HDAC4: variants seen among roughly 807,000 people sequenced by gnomAD.
The protein encoded by HDAC4 is histone deacetylase A.
A neutral mutation model predicts 135.1 loss-of-function variants in HDAC4; 16 were observed. The ratio of observed to expected loss-of-function variants is 0.12; its 90% CI spans 0.08 to 0.18. HDAC4 has a LOEUF of 0.18. Ranked by LOEUF, HDAC4 falls within the 10% of genes least tolerant of loss-of-function variation. The pLI is 1.00. For synonymous variants in HDAC4, 685 were observed against 653.4 expected, an observed-to-expected ratio of 1.05 and a Z score of -0.74; for missense variants, 1,143 against 1,511.8, an observed-to-expected ratio of 0.76 and a Z score of 4.05.
At chr2:239,358,820 A>G (rs1273526488) in intron 1 of HDAC4, among the ~76,000 whole-genome samples, 1 of 152,242 alleles carries the variant, frequency 6.6e-6, no homozygotes, top group Non-Finnish European at 1.5e-5. Flanking sequence ...AAGTCATTTC[A>G]GAATCGCTAA....
intron 3 of HDAC4, among the ~76,000 whole-genome samples, chr2:239,206,400 A>G (rs2046052393): frequency 6.6e-6 from 1 of 152,042 alleles, no homozygotes; most frequent in Non-Finnish European, 1.5e-5. Flanking sequence ...ACGTGCACAC[A>G]CACACACACA....
intron 11 of HDAC4, among the ~76,000 whole-genome samples, chr2:239,131,742 C>G (rs1032233145): frequency 2.0e-5 from 3 of 152,234 alleles, no homozygotes; most frequent in African/African-American, 7.2e-5. Context: ...CTGCCAGGAC[C>G]TTCTGTGACA....
rs190139418 is a variant in HDAC4, at chr2:239,097,058, C to T, written c.2234-2002G>A. Among the ~76,000 whole-genome samples, 146 of 152,314 alleles carry T rather than the reference C, an allele frequency of 9.6e-4. 1 individual carries two copies. The highest frequency in any genetic ancestry group is 3.4e-3 in the African/African-American group (143 of 41,576). On this transcript the variant is annotated intron_variant, in intron 16 of 26. Transcript: ENST00000543185. ...GCCCGGCCCCCATCTGCTAGGAGGG[C>T]CCGGCCAGCTGAGGGGCGCAGGCGC...
chr2:239,316,596 C>T (rs917317186), intron 2 of HDAC4, among the ~76,000 whole-genome samples: 2 of 152,100 alleles, frequency 1.3e-5, no homozygotes, highest in African/African-American at 4.8e-5. Context: ...CCAATGGGCC[C>T]TAGGTAAGAG....
chr2:239,215,636 C>T (rs1262158947), intron 3 of HDAC4, among the ~76,000 whole-genome samples: 1 of 152,114 alleles, frequency 6.6e-6, no homozygotes, highest in Non-Finnish European at 1.5e-5. Flanking sequence ...GAGACATCCC[C>T]GCAGGAAATG....
intron 2 of HDAC4, among the ~76,000 whole-genome samples, chr2:239,328,192 G>A (rs557589225): frequency 1.4e-3 from 215 of 152,326 alleles, no homozygotes; most frequent in Non-Finnish European, 2.3e-3. Flanking sequence ...AGCCACCCTG[G>A]AGGAGCCCTG....
chr2:239,137,403 G>T (rs2041041751), intron 9 of HDAC4, among the ~76,000 whole-genome samples: 1 of 152,202 alleles, frequency 6.6e-6, no homozygotes, highest in Admixed American at 6.5e-5. Context: ...CACTCTCTGA[G>T]CCCTGCCTCC....
In HDAC4 at chr2:239,306,432, C is replaced by T. The variant is rs1001826909; in HGVS notation, c.22+46246G>A. Among the ~76,000 whole-genome samples, 4 of 152,132 alleles carry T rather than the reference C, an allele frequency of 2.6e-5. No homozygotes were observed. Among genetic ancestry groups the T allele is most frequent in the Non-Finnish European group, 5.9e-5 (4 of 68,014 alleles). ...CCCCATCCACGGATGTGTCCCTGCC[C>T]AGGTGCCAGCAAGGACTGACTAATA... On this transcript the variant is annotated intron_variant, in intron 2 of 26. Transcript: ENST00000543185. The surrounding 1 kb of genome is among the most constrained non-coding windows in gnomAD (Gnocchi z 4.5).
intron 1 of HDAC4, among the ~76,000 whole-genome samples, chr2:239,385,616 A>G (rs1308548031): frequency 2.6e-5 from 4 of 152,248 alleles, no homozygotes; most frequent in Admixed American, 2.6e-4. Context: ...CAGTGGGCAA[A>G]GCCGGCCTGT....
intron 11 of HDAC4, among the ~76,000 whole-genome samples, chr2:239,127,305 C>T (rs1245260168): frequency 4.6e-5 from 7 of 152,164 alleles, no homozygotes; most frequent in South Asian, 2.1e-4. Flanking sequence ...TCCCTGCCAG[C>T]GAGTGGAGGA....
At chr2:239,215,238 C>T (rs920211420) in intron 3 of HDAC4, among the ~76,000 whole-genome samples, 5 of 152,114 alleles carry the variant, frequency 3.3e-5, no homozygotes, top group East Asian at 1.9e-4. Context: ...GACTGGTGGC[C>T]GGGGCGGGGG....
At chr2:239,136,640 C>T (rs2040976617) in intron 9 of HDAC4, among the ~76,000 whole-genome samples, 1 of 152,218 alleles carries the variant, frequency 6.6e-6, no homozygotes, top group South Asian at 2.1e-4. Flanking sequence ...AGCCATTCAT[C>T]CGACAAGGGA....
chr2:239,232,274 G>A (rs942516225), intron 3 of HDAC4, among the ~76,000 whole-genome samples: 12 of 152,244 alleles, frequency 7.9e-5, no homozygotes, highest in Non-Finnish European at 7.3e-5. Flanking sequence ...TAAGTTCCCC[G>A]TAATTCAGCC....
intron 1 of HDAC4, among the ~76,000 whole-genome samples, chr2:239,372,849 T>C (rs1694731287): frequency 6.6e-6 from 1 of 152,068 alleles, no homozygotes; most frequent in Admixed American, 6.6e-5. Context: ...TGCACATATG[T>C]ACACATGCAC....
intron 2 of HDAC4, among the ~76,000 whole-genome samples, chr2:239,338,910 G>A (rs1410523011): frequency 6.6e-6 from 1 of 152,216 alleles, no homozygotes; most frequent in African/African-American, 2.4e-5. Flanking sequence ...CGTAGGTTCG[G>A]TTCCCCAGTG....
rs2931206 is a variant in HDAC4 at position 239,400,138 on chromosome 2, G to C, written c.-220+840C>G. ...GCGGATCCCACCCCCGAGCGGGACC[G>C]GGCCCCGTCTCGGCCTGCTGGCGCC... On this transcript the variant is annotated intron_variant, in intron 1 of 26. Coordinates refer to ENST00000543185, the MANE Select transcript of HDAC4 (RefSeq NM_001378414.1). The surrounding 1 kb of genome is among the most constrained non-coding windows in gnomAD (Gnocchi z 4.7). 0.56 allele frequency among the ~76,000 whole-genome samples: 84,953 copies of C among 151,248 alleles called. 25,987 individuals are homozygous for C. Among genetic ancestry groups the C allele is most frequent in the East Asian group, 0.94 (4,773 of 5,076 alleles).
At chr2:239,096,535 C>T (rs188287121) in intron 16 of HDAC4, among the ~76,000 whole-genome samples, 5,039 of 94,582 alleles carry the variant, frequency 0.053, 310 homozygotes, top group Admixed American at 0.084. Context: ...CGCCAGTACC[C>T]CCCACGGATG....
In HDAC4 at chr2:239,068,355, G is replaced by A. The variant is rs1462268621; in HGVS notation, c.2869+134C>T. On this transcript the variant is annotated intron_variant, in intron 23 of 26. Coordinates refer to ENST00000543185, the MANE Select transcript of HDAC4 (RefSeq NM_001378414.1). The surrounding 1 kb of genome is among the most constrained non-coding windows in gnomAD (Gnocchi z 4.4). ...TCCCAAATGGACTGGTTCCCAGTACGGTCAGAACCTTGGTCATTAGTAAAA... is the reference window on the plus strand; with the variant it reads ...TCCCAAATGGACTGGTTCCCAGTACAGTCAGAACCTTGGTCATTAGTAAAA... 4.3e-5 allele frequency: 30 copies of A among 691,884 alleles called. No homozygotes were observed. Among genetic ancestry groups the A allele is most frequent in the South Asian group, 2.2e-4 (13 of 59,190 alleles). 42.9% of individuals were successfully genotyped at this position (691,884 alleles called of 1,614,324 possible). A position where few individuals can be genotyped will look rare whatever the true frequency, so the allele number is the denominator to read the frequency against.
At chr2:239,190,303 G>T (rs1313290818) in intron 3 of HDAC4, among the ~76,000 whole-genome samples, 2 of 152,018 alleles carry the variant, frequency 1.3e-5, no homozygotes, top group Admixed American at 1.3e-4. Context: ...AACCACAAAA[G>T]CCCATGGGAG....
Sources: allele counts gnomAD v4.1 joint callset (sites outside exome capture counted in the v4.1 genomes callset), GRCh38; gene constraint gnomAD v4.1.1; non-coding constraint Gnocchi (gnomAD v3.1); transcripts MANE v1.5; gene names NCBI Gene and HGNC (gene_info 2026-07-23, HGNC 2026-07-21).